The following SLC7A7 variants were observed in gnomAD, a reference collection of about 807,000 sequenced individuals.
The protein encoded by SLC7A7 is Y+L amino acid transporter 1.
In SLC7A7, 39 loss-of-function variants were observed where a neutral mutation model predicts 47.9. The observed-to-expected ratio is 0.81, with a 90% CI of 0.63 to 1.06. The LOEUF is 1.06. Among genes scored for constraint, SLC7A7 ranks in the 50% least tolerant of loss-of-function variants. SLC7A7 has a pLI of 0.00. For synonymous variants in SLC7A7, 234 were observed against 242.8 expected (o/e 0.96, Z 0.34); for missense variants, 588 against 632.0 (o/e 0.93, Z 0.75).
At chr14:22,789,403 G>A (rs1015525939) in intron 2 of SLC7A7, among the ~76,000 whole-genome samples, 3 of 152,140 alleles carry the variant, frequency 2.0e-5, no homozygotes, top group Non-Finnish European at 1.5e-5. Flanking sequence ...CAGATCACCT[G>A]AGGTCAGGAA....
chr14:22,788,588 C>T (rs972968498), intron 2 of SLC7A7, among the ~76,000 whole-genome samples: 3 of 151,640 alleles, frequency 2.0e-5, no homozygotes, highest in Non-Finnish European at 4.4e-5. Context: ...CCTGTCATCC[C>T]AGCTACTCAG....
intron 2 of SLC7A7, among the ~76,000 whole-genome samples, chr14:22,809,486 A>G (rs1391871984): frequency 6.6e-6 from 1 of 151,898 alleles, no homozygotes; most frequent in South Asian, 2.1e-4. Flanking sequence ...GACTATAGGC[A>G]CGCACCACCA....
intron 2 of SLC7A7, among the ~76,000 whole-genome samples, chr14:22,804,979 C>T (rs2039176487): frequency 6.6e-6 from 1 of 152,098 alleles, no homozygotes; most frequent in Non-Finnish European, 1.5e-5. Context: ...TGCACTCCAG[C>T]CTGGGCAACA....
upstream of SLC7A7, among the ~76,000 whole-genome samples, chr14:22,817,957 G>A (rs2039429153): frequency 6.6e-6 from 1 of 151,948 alleles, no homozygotes. Context: ...TCTTTGCAGG[G>A]ATAAGAGGTG....
chr14:22,819,354 C>A (rs1451632577), upstream of SLC7A7, among the ~76,000 whole-genome samples: 1 of 151,926 alleles, frequency 6.6e-6, no homozygotes, highest in Non-Finnish European at 1.5e-5. Flanking sequence ...CAGCTCCTCC[C>A]TCCCCAGTTC....
At position 22,776,131 on chromosome 14, in the gene SLC7A7, G is replaced by A. The variant is rs200540558; in HGVS notation, c.894+64C>T. ...TCTACCCCCTTTCCAGGACTTTCAA[G>A]AGCCAGAATATACCCAGTACCCCAC... On this transcript the variant is annotated intron_variant, in intron 5 of 9. Coordinates refer to ENST00000674313, the MANE Select transcript of SLC7A7 (RefSeq NM_003982.4). 27 of 1,610,192 alleles carry A rather than the reference G, an allele frequency of 1.7e-5. No individual in the cohort carries two copies. The Admixed American group carries it at 4.5e-4, about 27-fold the overall frequency.
intron 2 of SLC7A7, among the ~76,000 whole-genome samples, chr14:22,805,710 A>G (rs1202785867): frequency 3.9e-5 from 6 of 152,194 alleles, no homozygotes; most frequent in Non-Finnish European, 8.8e-5. Context: ...GCAAACAATC[A>G]TGGCACATGT....
intron 1 of SLC7A7, among the ~76,000 whole-genome samples, chr14:22,814,036 C>T (rs1307855531): frequency 6.6e-6 from 1 of 151,152 alleles, no homozygotes; most frequent in South Asian, 2.1e-4. Flanking sequence ...GTTATCCGCC[C>T]GCCTCGGCCT....
At chr14:22,776,350 T>G in intron 4 of SLC7A7, 32 bp from the exon 5 acceptor site, 1 of 1,614,080 alleles carries the variant, frequency 6.2e-7, no homozygotes, top group Non-Finnish European at 8.5e-7. Context: ...TGCACATTAG[T>G]CCCACAGTCA....
Position 22,776,330 on chromosome 14 carries a change from T to C in SLC7A7, c.771-12A>G, listed in dbSNP as rs554947145. On this transcript the variant is annotated splice_polypyrimidine_tract_variant and intron_variant, in intron 4 of 9. Coordinates refer to ENST00000674313, the MANE Select transcript of SLC7A7 (RefSeq NM_003982.4). ...AGAGGGGCAGGTTCCTACAGCCAAATAGAATAAAATGCACATTAGTCCCAC... is the reference window on the plus strand; with the variant it reads ...AGAGGGGCAGGTTCCTACAGCCAAACAGAATAAAATGCACATTAGTCCCAC... 1.1e-4 allele frequency: 175 copies of C among 1,614,168 alleles called. No homozygotes were observed. The South Asian group carries it at 1.8e-3, about 17-fold the overall frequency.
Position 22,773,328 on chromosome 14 carries a change from G to T in SLC7A7, c.*282C>A, listed in dbSNP as rs2038510025. ...TGTGGGCCCTTTTAAAAGAAAAGAG[G>T]AGTAGGTAGGCACACCCAGGTGCTT... On this transcript the variant is annotated 3_prime_UTR_variant, in exon 10 of 10. Transcript: ENST00000674313. 1.8e-6 allele frequency: 1 copy of T among 541,770 alleles called. No homozygotes were observed. The highest frequency in any genetic ancestry group is 4.7e-5 in the East Asian group (1 of 21,444). 33.6% of individuals were successfully genotyped at this position (541,770 alleles called of 1,614,324 possible).
intron 2 of SLC7A7, among the ~76,000 whole-genome samples, chr14:22,809,136 T>C (rs961752063): frequency 3.3e-5 from 5 of 152,246 alleles, no homozygotes; most frequent in African/African-American, 1.2e-4. Context: ...GAGCTCTGCA[T>C]ACGAACCATA....
chr14:22,818,583 G>GTTTT (rs565680138), upstream of SLC7A7, among the ~76,000 whole-genome samples: 1,529 of 129,062 alleles, frequency 0.012, 18 homozygotes, highest in South Asian at 0.018. Context: ...CAGGTTTTTG[G>GTTTT]TTTTTTTTTT....
chr14:22,819,387 A>C (rs1594992014), upstream of SLC7A7, among the ~76,000 whole-genome samples: 4 of 146,624 alleles, frequency 2.7e-5, no homozygotes, highest in Admixed American at 1.4e-4. Context: ...TCTATATTCC[A>C]CTGTGGCTAA....
chr14:22,774,581 A>G, intron 7 of SLC7A7, 78 bp from the exon 8 acceptor site: 2 of 1,586,034 alleles, frequency 1.3e-6, no homozygotes, highest in Non-Finnish European at 1.7e-6. Context: ...TATACCCCAG[A>G]AATCCATCCC....
intron 2 of SLC7A7, among the ~76,000 whole-genome samples, chr14:22,793,433 T>C (rs2038960891): frequency 6.6e-6 from 1 of 152,198 alleles, no homozygotes; most frequent in Admixed American, 6.5e-5. Context: ...ACAAAGAGGA[T>C]AACAGCCCTT....
intron 2 of SLC7A7, among the ~76,000 whole-genome samples, chr14:22,785,842 G>A (rs1296544458): frequency 6.6e-6 from 1 of 151,842 alleles, no homozygotes; most frequent in Non-Finnish European, 1.5e-5. Flanking sequence ...CTAACACGGT[G>A]AAACCCCATC....
chr14:22,789,639 A>G (rs565288203), intron 2 of SLC7A7, among the ~76,000 whole-genome samples: 10 of 151,980 alleles, frequency 6.6e-5, no homozygotes, highest in South Asian at 6.2e-4. Flanking sequence ...AAAAAAAAAA[A>G]AAAAAAGAAA....
At chr14:22,791,296 C>T (rs561022340) in intron 2 of SLC7A7, among the ~76,000 whole-genome samples, 17 of 152,256 alleles carry the variant, frequency 1.1e-4, no homozygotes, top group Non-Finnish European at 2.2e-4. Context: ...TTTCTGGTAT[C>T]TTAGAATCTT....
Sources: allele counts gnomAD v4.1 joint callset (sites outside exome capture counted in the v4.1 genomes callset), GRCh38; gene constraint gnomAD v4.1.1; transcripts MANE v1.5; gene names NCBI Gene and HGNC (gene_info 2026-07-23, HGNC 2026-07-21).